Variants in RLF observed in about 807,000 individuals in gnomAD.
RLF encodes zinc finger protein Rlf.
A neutral mutation model predicts 162.9 loss-of-function variants in RLF; 7 were observed. The ratio of observed to expected loss-of-function variants is 0.04; its 90% CI spans 0.02 to 0.08. The LOEUF is 0.08. Ranked by LOEUF, RLF falls within the 10% of genes least tolerant of loss-of-function variation. The pLI is 1.00. For synonymous variants in RLF, 782 were observed against 791.5 expected (o/e 0.99, Z 0.20); for missense variants, 1,664 against 2,244.7 (o/e 0.74, Z 5.23).
At chr1:40,209,283 GCCTT>G (rs1228776984) in intron 5 of RLF, among the ~76,000 whole-genome samples, 1 of 152,198 alleles carries the variant, frequency 6.6e-6, no homozygotes, top group African/African-American at 2.4e-5. Flanking sequence ...TAGCCATACA[GCCTT>G]GGCCAGGTAG....
intron 3 of RLF, among the ~76,000 whole-genome samples, chr1:40,192,888 A>C (rs1422081913): frequency 1.3e-5 from 2 of 152,196 alleles, no homozygotes; most frequent in African/African-American, 4.8e-5. Context: ...TCCTATGGAC[A>C]TAAAAATATA....
rs1158743600 is a variant in RLF at position 40,237,455 on chromosome 1, A to G, written c.2753A>G (p.His918Arg). Reference protein sequence around the residue: ...MNEELIDTLDHSETMQDVLLS... With the variant: ...MNEELIDTLDRSETMQDVLLS... ...GAAGAGCTAATTGACACACTAGATC[A>G]CTCTGAAACTATGCAGGATGTATTG... Residue 918 changes from histidine (H) to arginine (R), a missense_variant, in exon 8 of 8, where the codon CAC (histidine) becomes CGC (arginine). His to Arg is a conservative substitution (Grantham distance 29). Around this residue, in one of 15 missense-constraint regions of RLF, gnomAD observed 295 missense variants for 317.4 expected, o/e 0.93. Coordinates refer to ENST00000372771, the MANE Select transcript of RLF (RefSeq NM_012421.4). This position sits in a 1 kb window ranked among gnomAD's most constrained non-coding sequence, Gnocchi z 4.4. 1 of 1,614,028 alleles carries G rather than the reference A, an allele frequency of 6.2e-7. No individual in the cohort carries two copies.
Position 40,238,860 on chromosome 1 carries a change from T to A in RLF, c.4158T>A (p.Ser1386=), listed in dbSNP as rs762372160. ...SKALAKHCSD[S]HNLDHIEEPK... ...CTCTTGCTAAGCACTGTAGTGATTCTCATAACCTAGACCATATTGAAGAGC... is the reference window on the plus strand; with the variant it reads ...CTCTTGCTAAGCACTGTAGTGATTCACATAACCTAGACCATATTGAAGAGC... The change falls in exon 8 of 8, where the codon TCT becomes TCA. Residue 1386 remains serine, a synonymous_variant. Transcript: ENST00000372771. The surrounding 1 kb of genome is among the most constrained non-coding windows in gnomAD (Gnocchi z 5.2). 3 of 1,614,222 alleles carry A rather than the reference T, an allele frequency of 1.9e-6. No homozygotes were observed. The East Asian group carries it at 6.7e-5, about 36-fold the overall frequency.
At chr1:40,204,883 T>A (rs1256737684) in intron 5 of RLF, among the ~76,000 whole-genome samples, 1 of 152,224 alleles carries the variant, frequency 6.6e-6, no homozygotes, top group Non-Finnish European at 1.5e-5. Context: ...GCTGAGAAGA[T>A]AAATAAGAGA....
Position 40,240,688 on chromosome 1 carries a change from G to T in RLF, c.*241G>T. On this transcript the variant is annotated 3_prime_UTR_variant, in exon 8 of 8. Coordinates refer to ENST00000372771, the MANE Select transcript of RLF (RefSeq NM_012421.4). ...ATTAAAAAAATGGAACTGTACACTT[G>T]TTTGGTGCTAATTAATACATCAAAA... The T allele has an allele frequency of 2.3e-6, 1 of 438,006 alleles. No homozygotes were observed. The highest frequency in any genetic ancestry group is 4.1e-6 in the Non-Finnish European group (1 of 243,206). 27.1% of individuals were successfully genotyped at this position (438,006 alleles called of 1,614,324 possible).
intron 6 of RLF, among the ~76,000 whole-genome samples, chr1:40,227,308 G>A (rs1188320930): frequency 6.6e-6 from 1 of 152,142 alleles, no homozygotes; most frequent in East Asian, 1.9e-4. Flanking sequence ...CATACATACA[G>A]TGGAATCATT....
chr1:40,181,197 A>C (rs1033064404), intron 1 of RLF, among the ~76,000 whole-genome samples: 5 of 152,232 alleles, frequency 3.3e-5, no homozygotes, highest in Admixed American at 2.0e-4. Flanking sequence ...TGGGAGGCCA[A>C]GGTGGATGGA....
At chr1:40,182,940 A>G (rs987812445) in intron 1 of RLF, among the ~76,000 whole-genome samples, 2 of 152,168 alleles carry the variant, frequency 1.3e-5, no homozygotes, top group Non-Finnish European at 2.9e-5. Flanking sequence ...GTAAGCAGCC[A>G]GCTGTTCTCT....
At chr1:40,214,918 C>CAAAAAAAAAAAA (rs34756935) in intron 5 of RLF, among the ~76,000 whole-genome samples, 1 of 14,396 alleles carries the variant, frequency 6.9e-5, no homozygotes, top group Non-Finnish European at 1.4e-4. Flanking sequence ...GAGCCTGTCT[C>CAAAAAAAAAAAA]AAAAAAAAAA....
intron 7 of RLF, 30 bp downstream of exon 7, chr1:40,231,688 G>A: frequency 6.4e-7 from 1 of 1,570,332 alleles, no homozygotes; most frequent in Non-Finnish European, 8.6e-7. Flanking sequence ...TCTGCTAACT[G>A]TAGCTGGAGG....
chr1:40,174,300 G>A (rs1489049369), intron 1 of RLF, among the ~76,000 whole-genome samples: 1 of 151,922 alleles, frequency 6.6e-6, no homozygotes, highest in Non-Finnish European at 1.5e-5. Context: ...GAACCCTGGT[G>A]ACAGAGGTGG....
At chr1:40,214,279 A>T (rs950248270) in intron 5 of RLF, among the ~76,000 whole-genome samples, 1 of 152,224 alleles carries the variant, frequency 6.6e-6, no homozygotes, top group Non-Finnish European at 1.5e-5. Flanking sequence ...CTGAGCTGGA[A>T]ATTAAGAGTT....
intron 3 of RLF, among the ~76,000 whole-genome samples, chr1:40,191,918 T>C (rs990915008): frequency 2.6e-5 from 4 of 152,212 alleles, no homozygotes; most frequent in African/African-American, 9.6e-5. Context: ...TTGGACAAAG[T>C]TACACACAGA....
chr1:40,196,613 C>T (rs1421155234), intron 4 of RLF, among the ~76,000 whole-genome samples: 1 of 152,148 alleles, frequency 6.6e-6, no homozygotes, highest in Admixed American at 6.5e-5. Flanking sequence ...GATCTGCCTG[C>T]CTCTGCCTCA....
rs542163583 is a variant in RLF at position 40,163,318 on chromosome 1, A to G, written c.237+1682A>G. 1.0e-3 allele frequency among the ~76,000 whole-genome samples: 152 copies of G among 152,132 alleles called. 1 individual carries two copies. The highest frequency in any genetic ancestry group is 3.5e-3 in the Admixed American group (53 of 15,262). ...AATGCTATGGGAGGAGGGGAAACTA[A>G]TGGAAGGAGAGGGGTGGTGCAGGAA... On this transcript the variant is annotated intron_variant, in intron 1 of 7. Coordinates refer to ENST00000372771, the MANE Select transcript of RLF (RefSeq NM_012421.4).
chr1:40,206,857 C>T (rs867278092), intron 5 of RLF, among the ~76,000 whole-genome samples: 1 of 152,178 alleles, frequency 6.6e-6, no homozygotes, highest in Non-Finnish European at 1.5e-5. Flanking sequence ...ACTCCCTTAC[C>T]TCATGTCTGC....
chr1:40,236,811 C>T lies in RLF; in HGVS notation c.2109C>T (p.Ala703=), dbSNP rs1557762556. 1 of 1,614,072 alleles carries T rather than the reference C, an allele frequency of 6.2e-7. No individual in the cohort carries two copies. Residue 703 remains alanine (A), a synonymous_variant, in exon 8 of 8, where the codon GCC becomes GCT. Coordinates refer to ENST00000372771, the MANE Select transcript of RLF (RefSeq NM_012421.4). This position sits in a 1 kb window ranked among gnomAD's most constrained non-coding sequence, Gnocchi z 7.7. ...KAEHQNNDEN[A]KHYLDMKNRR... The stretch of plus-strand genomic sequence containing the variant: ...AACACCAAAATAATGATGAAAATGC[C>T]AAGCACTACTTGGATATGAAAAATA...
chr1:40,188,018 G>C (rs938167831), intron 1 of RLF, among the ~76,000 whole-genome samples: 1 of 152,188 alleles, frequency 6.6e-6, no homozygotes. Context: ...GAACTCCCTA[G>C]CCCAGTCAGA....
intron 4 of RLF, among the ~76,000 whole-genome samples, chr1:40,196,379 AC>A (rs2124539011): frequency 6.6e-6 from 1 of 151,972 alleles, no homozygotes; most frequent in African/African-American, 2.4e-5. Context: ...GTCTGCTTAT[AC>A]CTTTTTTATT....
Sources: gnomAD v4.1 joint callset for allele counts (sites outside exome capture counted in the v4.1 genomes callset) on GRCh38, gnomAD v4.1.1 for gene constraint, gnomAD v4.1.1 regional missense constraint, Gnocchi (gnomAD v3.1) non-coding constraint, MANE v1.5 for transcripts, NCBI Gene and HGNC (gene_info 2026-07-23, HGNC 2026-07-21) for gene names.